MAN2B2: variants seen among roughly 807,000 people sequenced by gnomAD.
The protein encoded by MAN2B2 is epididymis-specific alpha-mannosidase.
Under a neutral mutation model 117.1 loss-of-function variants are expected in MAN2B2, and 106 were observed. The observed-to-expected ratio is 0.90, with a 90% CI of 0.77 to 1.06. The LOEUF (loss-of-function observed/expected upper bound fraction) is 1.06, where lower values mean the gene tolerates loss of function less well. Ranked by LOEUF, MAN2B2 falls within the 50% of genes least tolerant of loss-of-function variation. The pLI, the probability that MAN2B2 is intolerant of heterozygous loss-of-function variation, is 0.00. For synonymous variants in MAN2B2, 544 were observed against 595.1 expected (o/e 0.91, Z 1.25); for missense variants, 1,326 against 1,381.4 (o/e 0.96, Z 0.64).
At position 6,594,563 on chromosome 4, in the gene MAN2B2, G is replaced by A. The variant is rs181851245; in HGVS notation, c.888G>A (p.Ser296=). ...GTGACAAGCAGTTCTTCAATGCCTC[G>A]GTGCAGTTTGCCAACATGGACCCGC... ...WGCDKQFFNA[S]VQFANMDPLL... Residue 296 remains serine (S), a synonymous_variant, in exon 7 of 19, where the codon TCG becomes TCA. Transcript: ENST00000285599. 6.6e-5 allele frequency: 107 copies of A among 1,613,542 alleles called. No individual in the cohort carries two copies. The highest frequency in any genetic ancestry group is 4.2e-4 in the East Asian group (19 of 44,892).
At chr4:6,597,386 C>T in intron 8 of MAN2B2, 83 bp downstream of exon 8, 5 of 1,392,418 alleles carry the variant, frequency 3.6e-6, no homozygotes, top group Non-Finnish European at 4.8e-6. Context: ...CCAATCCTTC[C>T]AGCCCTGGGG....
At chr4:6,593,675 A>G (rs935150599) in intron 6 of MAN2B2, among the ~76,000 whole-genome samples, 3 of 152,188 alleles carry the variant, frequency 2.0e-5, no homozygotes, top group African/African-American at 7.2e-5. Flanking sequence ...TAAAATGGGG[A>G]TGGTGGCAGC....
chr4:6,582,979 G>T (rs1726493738), intron 3 of MAN2B2, among the ~76,000 whole-genome samples: 1 of 152,208 alleles, frequency 6.6e-6, no homozygotes, highest in Admixed American at 6.5e-5. Context: ...TTTCTCTCCT[G>T]TGGAAGTCTG....
Position 6,596,744 on chromosome 4 carries a change from C to A in MAN2B2, c.1058-369C>A, listed in dbSNP as rs1047286214. 2.6e-5 allele frequency among the ~76,000 whole-genome samples: 4 copies of A among 152,178 alleles called. No homozygotes were observed. In the South Asian group the frequency reaches 8.3e-4, roughly 31 times the overall value. On this transcript the variant is annotated intron_variant, in intron 7 of 18. Transcript: ENST00000285599. Reference sequence around the variant, plus strand: ...TCAGTGGGGTCCTGCCCACCTGGCTCCTCCTCTTCCCCTCTGGGTCTCCCA... The same window carrying A: ...TCAGTGGGGTCCTGCCCACCTGGCTACTCCTCTTCCCCTCTGGGTCTCCCA...
At chr4:6,617,887 C>G (rs58077450) in intron 17 of MAN2B2, 13,280 of 228,480 alleles carry the variant, frequency 0.058, 1,289 homozygotes, top group African/African-American at 0.23. Context: ...CGCTCTCGTC[C>G]CCCAGGCTGG....
In MAN2B2 at chr4:6,589,043, A is replaced by C; in HGVS notation, c.565-2A>C. 1 of 1,612,630 alleles carries C rather than the reference A, an allele frequency of 6.2e-7. No homozygotes were observed. Among genetic ancestry groups the C allele is most frequent in the Non-Finnish European group, 8.5e-7 (1 of 1,178,686 alleles). Reference sequence around the variant, plus strand: ...AGCCTCATTCTTCTCCTCGGTTTGCAGGGGCTGCAGTTCGTGTGGCGAGGG... The same window carrying C: ...AGCCTCATTCTTCTCCTCGGTTTGCCGGGGCTGCAGTTCGTGTGGCGAGGG... On this transcript the variant is annotated splice_acceptor_variant, in intron 4 of 18. Transcript: ENST00000285599. LOFTEE classifies it high-confidence loss of function.
intron 3 of MAN2B2, among the ~76,000 whole-genome samples, chr4:6,579,159 TCACCACCAC>T (rs1246929628): frequency 3.9e-4 from 7 of 18,076 alleles, no homozygotes; most frequent in African/African-American, 9.6e-4. Flanking sequence ...ACCATCACCA[TCACCACCAC>T]CACCACCACC....
chr4:6,596,583 G>A (rs1193479904), intron 7 of MAN2B2, among the ~76,000 whole-genome samples: 1 of 152,074 alleles, frequency 6.6e-6, no homozygotes, highest in Admixed American at 6.5e-5. Context: ...TGGCTCCCTG[G>A]GGTCTCTGAG....
chr4:6,603,752 C>T (rs955751251), intron 10 of MAN2B2, among the ~76,000 whole-genome samples: 2 of 151,996 alleles, frequency 1.3e-5, no homozygotes, highest in African/African-American at 4.8e-5. Context: ...AGGCGATGAC[C>T]ACCGTGAGGG....
At chr4:6,621,075 G>A (rs1560105213) in intron 18 of MAN2B2, 113 bp from the exon 19 acceptor site, 4 of 726,976 alleles carry the variant, frequency 5.5e-6, no homozygotes, top group South Asian at 1.7e-5. Context: ...GGTGCAGGAG[G>A]GTGAGAGGGA....
At chr4:6,604,606 C>T (rs1378147560) in intron 10 of MAN2B2, among the ~76,000 whole-genome samples, 1 of 151,838 alleles carries the variant, frequency 6.6e-6, no homozygotes, top group Non-Finnish European at 1.5e-5. Context: ...GGGGATGCTG[C>T]AGGGAGCAGA....
intron 17 of MAN2B2, chr4:6,619,714 C>A: frequency 3.8e-6 from 2 of 522,364 alleles, no homozygotes; most frequent in Middle Eastern, 4.2e-4. Context: ...GCACCTCCCG[C>A]TTCAGTGTCC....
In MAN2B2 at chr4:6,593,220, A is replaced by G. The variant is rs2301796; in HGVS notation, c.728A>G (p.Gln243Arg). 18 of 1,613,572 alleles carry G rather than the reference A, an allele frequency of 1.1e-5. No individual in the cohort carries two copies. The South Asian group carries it at 1.9e-4, about 17-fold the overall frequency. ...NGVAVFPKPPQDGVYPNMSEP... is the reference protein window; with the variant it reads ...NGVAVFPKPPRDGVYPNMSEP... ...GTGGCTGTCTTCCCCAAGCCTCCCC[A>G]AGATGGGGTGTACCCCAACATGAGT... The change falls in exon 6 of 19, where the codon CAA becomes CGA. Residue 243 changes from glutamine (Q) to arginine (R), a missense_variant. Coordinates refer to ENST00000285599, the MANE Select transcript of MAN2B2 (RefSeq NM_015274.3).
chr4:6,579,260 C>T (rs1577269991), intron 3 of MAN2B2, among the ~76,000 whole-genome samples: 1 of 100,146 alleles, frequency 1.0e-5, no homozygotes. Context: ...CCACCATCAC[C>T]ACCACCACCA....
At chr4:6,588,485 T>C (rs146938545) in intron 4 of MAN2B2, among the ~76,000 whole-genome samples, 2,859 of 152,026 alleles carry the variant, frequency 0.019, 90 homozygotes, top group African/African-American at 0.064. Flanking sequence ...CTTTGGGAGG[T>C]GGGCAGATCA....
intron 12 of MAN2B2, 123 bp downstream of exon 12, chr4:6,609,421 G>T (rs1401001640): frequency 1.1e-6 from 1 of 932,336 alleles, no homozygotes; most frequent in Non-Finnish European, 1.6e-6. Flanking sequence ...TTGACACGTG[G>T]TCTGATGAAG....
chr4:6,586,034 A>T (rs1474020961), intron 3 of MAN2B2, among the ~76,000 whole-genome samples: 1 of 150,432 alleles, frequency 6.6e-6, no homozygotes, highest in Non-Finnish European at 1.5e-5. Flanking sequence ...GCAATAATTT[A>T]TGGACATCTT....
Position 6,580,084 on chromosome 4 carries a change from A to G in MAN2B2, c.391+1586A>G, listed in dbSNP as rs561246049. 4.6e-5 allele frequency among the ~76,000 whole-genome samples: 7 copies of G among 152,320 alleles called. No individual in the cohort carries two copies. The South Asian group carries it at 1.5e-3, about 32-fold the overall frequency. On this transcript the variant is annotated intron_variant, in intron 3 of 18. Transcript: ENST00000285599. Reference sequence around the variant, plus strand: ...ATCCAGGCAGAGAGCAATGTTGTCAAAGGATGTTTTTGGCACTCTCCCTTT... The same window carrying G: ...ATCCAGGCAGAGAGCAATGTTGTCAGAGGATGTTTTTGGCACTCTCCCTTT...
rs770683072 is a variant in MAN2B2, at chr4:6,611,290, C to A, written c.2563+12C>A. On this transcript the variant is annotated intron_variant, in intron 15 of 18. Coordinates refer to ENST00000285599, the MANE Select transcript of MAN2B2 (RefSeq NM_015274.3). Reference sequence around the variant, plus strand: ...CGGAGACCTCGCTGGTAAAGGGGCACCCTTTCAGAGTAACATCATCACTGC... The same window carrying A: ...CGGAGACCTCGCTGGTAAAGGGGCAACCTTTCAGAGTAACATCATCACTGC... The A allele has an allele frequency of 1.4e-5, 22 of 1,586,010 alleles. No homozygotes were observed. In the South Asian group the frequency reaches 2.2e-4, roughly 16 times the overall value.
Sources: allele counts gnomAD v4.1 joint callset (sites outside exome capture counted in the v4.1 genomes callset), GRCh38; gene constraint gnomAD v4.1.1; transcripts MANE v1.5; gene names NCBI Gene and HGNC (gene_info 2026-07-23, HGNC 2026-07-21).